CYRIA: variants seen among roughly 807,000 people sequenced by gnomAD.
CYRIA encodes the protein CYFIP-related Rac1 interactor A.
A neutral mutation model predicts 43.9 loss-of-function variants in CYRIA; 15 were observed. That is an observed-to-expected ratio of 0.34 (90% CI 0.23 to 0.53). The LOEUF is 0.53. Ranked by LOEUF, CYRIA falls within the 20% of genes least tolerant of loss-of-function variation. The pLI is 0.94. For synonymous variants in CYRIA, 117 were observed against 136.0 expected (o/e 0.86, Z 0.97); for missense variants, 236 against 394.2 (o/e 0.60, Z 3.40).
intron 1 of CYRIA, among the ~76,000 whole-genome samples, chr2:16,638,710 G>GT (rs1669583506): frequency 2.0e-5 from 3 of 152,234 alleles, no homozygotes; most frequent in East Asian, 3.9e-4. Context: ...TGAACGTAGG[G>GT]TTTTACCTTT....
intron 10 of CYRIA, among the ~76,000 whole-genome samples, chr2:16,558,153 G>T (rs1666594376): frequency 6.6e-6 from 1 of 151,976 alleles, no homozygotes; most frequent in East Asian, 1.9e-4. Context: ...TCTGCCTATG[G>T]TGAGGTTATT....
chr2:16,631,887 C>A (rs1488100481), intron 1 of CYRIA, among the ~76,000 whole-genome samples: 1 of 152,156 alleles, frequency 6.6e-6, no homozygotes, highest in East Asian at 1.9e-4. Context: ...ATGTGTTGTC[C>A]AAGTTTCCAG....
chr2:16,580,023 C>T (rs944630181), intron 3 of CYRIA, among the ~76,000 whole-genome samples: 1 of 151,926 alleles, frequency 6.6e-6, no homozygotes, highest in Admixed American at 6.5e-5. Context: ...TCTCAGATCA[C>T]TGCAGCCTCC....
At chr2:16,619,718 GGGAGGATGA>G (rs1202182589) in intron 2 of CYRIA, among the ~76,000 whole-genome samples, 3 of 152,204 alleles carry the variant, frequency 2.0e-5, no homozygotes, top group African/African-American at 7.2e-5. Context: ...GGAACAAAGT[GGGAGGATGA>G]GGAGGTGGCT....
intron 10 of CYRIA, among the ~76,000 whole-genome samples, chr2:16,556,651 CT>C (rs1482415346): frequency 6.6e-6 from 1 of 152,032 alleles, no homozygotes; most frequent in East Asian, 1.9e-4. Flanking sequence ...GGAAAACATC[CT>C]TGATAGGTGT....
At chr2:16,587,619 T>C (rs1392646198) in intron 3 of CYRIA, among the ~76,000 whole-genome samples, 1 of 152,108 alleles carries the variant, frequency 6.6e-6, no homozygotes, top group Admixed American at 6.6e-5. Context: ...TCAAATCTCA[T>C]CTTGAATTGT....
chr2:16,593,705 TTTGTG>T (rs1317326910), intron 2 of CYRIA, among the ~76,000 whole-genome samples: 56 of 94,908 alleles, frequency 5.9e-4, no homozygotes, highest in African/African-American at 2.5e-3. Context: ...TGTGTTTTTT[TTTGTG>T]TGTGTGTGTT....
At chr2:16,656,780 G>A (rs141162778) in intron 1 of CYRIA, among the ~76,000 whole-genome samples, 62 of 152,340 alleles carry the variant, frequency 4.1e-4, no homozygotes, top group Middle Eastern at 3.4e-3. Context: ...TGGAATGGCC[G>A]TTGCCATTAG....
intron 10 of CYRIA, among the ~76,000 whole-genome samples, chr2:16,556,629 G>T (rs553806686): frequency 6.6e-6 from 1 of 152,084 alleles, no homozygotes; most frequent in Non-Finnish European, 1.5e-5. Context: ...AGGAGCTGGG[G>T]GCTTTACCTG....
intron 9 of CYRIA, 65 bp from the exon 10 acceptor site, chr2:16,559,651 C>T: frequency 6.4e-7 from 1 of 1,568,650 alleles, no homozygotes; most frequent in East Asian, 2.3e-5. Flanking sequence ...TTTGGCCCCA[C>T]AACTGGATAC....
chr2:16,663,105 C>A (rs1364435986), intron 1 of CYRIA, among the ~76,000 whole-genome samples: 1 of 152,246 alleles, frequency 6.6e-6, no homozygotes. Flanking sequence ...AGTTTTCAAT[C>A]TCTGGACAGT....
intron 1 of CYRIA, among the ~76,000 whole-genome samples, chr2:16,648,291 C>G (rs913441675): frequency 2.7e-5 from 4 of 149,994 alleles, no homozygotes; most frequent in Non-Finnish European, 5.9e-5. Context: ...TACCATTGCT[C>G]CCAGGAAGAC....
At chr2:16,609,422 T>A (rs1401560684) in intron 2 of CYRIA, among the ~76,000 whole-genome samples, 3 of 152,220 alleles carry the variant, frequency 2.0e-5, no homozygotes, top group African/African-American at 7.2e-5. Flanking sequence ...ACCCTGGGCA[T>A]GTCATCTCAC....
chr2:16,646,733 A>G (rs1429874285), intron 1 of CYRIA, among the ~76,000 whole-genome samples: 3 of 152,210 alleles, frequency 2.0e-5, no homozygotes. Context: ...CATTTAAATC[A>G]GTAGAAAGAG....
rs573950654 is a variant in CYRIA, at chr2:16,589,357, G to A, written c.-10-1228C>T. Among the ~76,000 whole-genome samples the A allele has an allele frequency of 4.3e-3, 659 of 152,180 alleles. 1 individual carries two copies. The highest frequency in any genetic ancestry group is 6.0e-3 in the South Asian group (29 of 4,822). ...GAATGCACTGAAAGGATGACTCTGC[G>A]CATGAGAATATGTAGCAAGTGGTGG... On this transcript the variant is annotated intron_variant, in intron 2 of 11. Coordinates refer to ENST00000381323, the MANE Select transcript of CYRIA (RefSeq NM_030797.4).
At chr2:16,637,382 T>C (rs1347194655) in intron 1 of CYRIA, among the ~76,000 whole-genome samples, 2 of 152,134 alleles carry the variant, frequency 1.3e-5, no homozygotes, top group Non-Finnish European at 2.9e-5. Context: ...TGAATAAGAT[T>C]AGTGGCCTTC....
chr2:16,573,007 T>C (rs1667196723), intron 3 of CYRIA, among the ~76,000 whole-genome samples: 1 of 152,198 alleles, frequency 6.6e-6, no homozygotes, highest in South Asian at 2.1e-4. Context: ...CCAATGTCCC[T>C]ATATTTATGT....
intron 4 of CYRIA, among the ~76,000 whole-genome samples, chr2:16,564,331 A>G (rs1666854010): frequency 1.3e-5 from 2 of 152,128 alleles, no homozygotes; most frequent in Non-Finnish European, 2.9e-5. Flanking sequence ...ACTTGTTTCT[A>G]TTATCTTGAA....
intron 2 of CYRIA, among the ~76,000 whole-genome samples, chr2:16,592,541 C>A (rs1667965912): frequency 6.6e-6 from 1 of 152,116 alleles, no homozygotes; most frequent in African/African-American, 2.4e-5. Context: ...GTGAAGGTGT[C>A]TGGGCATCTG....
Sources: allele counts gnomAD v4.1 joint callset (sites outside exome capture counted in the v4.1 genomes callset), GRCh38; gene constraint gnomAD v4.1.1; transcripts MANE v1.5; gene names NCBI Gene and HGNC (gene_info 2026-07-23, HGNC 2026-07-21).